The following GLIS1 variants were observed in gnomAD, a reference collection of about 807,000 sequenced individuals.
GLIS1 encodes GLIS family zinc finger 1, also known as zinc finger protein GLIS1.
GLIS1 carries 24 observed loss-of-function variants against 63.8 expected under a neutral mutation model. That is an observed-to-expected ratio of 0.38 (90% CI 0.27 to 0.53). The LOEUF (loss-of-function observed/expected upper bound fraction) is 0.53. Ranked by LOEUF, GLIS1 falls within the 20% of genes least tolerant of loss-of-function variation. The probability of loss-of-function intolerance (pLI) is 0.85; values close to 1 mark genes in which losing one functional copy is unlikely to be tolerated. For missense variants in GLIS1, 1,036 were observed against 1,074.1 expected, an observed-to-expected ratio of 0.96 and a Z score of 0.50; for synonymous variants, 450 against 482.5, an observed-to-expected ratio of 0.93 and a Z score of 0.88.
At position 53,524,792 on chromosome 1, in the gene GLIS1, C is replaced by T. The variant is rs1241426369; in HGVS notation, c.1578G>A (p.Gln526=). ...GCTGGCTTACCTTCTTACGCACCTG[C>T]TGCTCTTTGGCTGAATGGGCCTTGA... ...KHVKAHSAKE[Q]QVRKKLHAGP... The change falls in exon 6 of 11, where the codon CAG becomes CAA. Residue 526 remains glutamine (Q), a synonymous_variant. Coordinates refer to ENST00000628545, the MANE Select transcript of GLIS1 (RefSeq NM_001367484.1). 1.9e-6 allele frequency: 3 copies of T among 1,613,202 alleles called. No individual in the cohort carries two copies. Among genetic ancestry groups the T allele is most frequent in the Non-Finnish European group, 2.5e-6 (3 of 1,179,750 alleles).
intron 4 of GLIS1, among the ~76,000 whole-genome samples, chr1:53,533,263 C>T (rs1292007949): frequency 6.6e-6 from 1 of 152,180 alleles, no homozygotes; most frequent in Non-Finnish European, 1.5e-5. Flanking sequence ...ATGGCCTTCT[C>T]CCCATGCCTC....
At chr1:53,633,802 G>A (rs751697935) in intron 2 of GLIS1, among the ~76,000 whole-genome samples, 8 of 152,200 alleles carry the variant, frequency 5.3e-5, no homozygotes, top group South Asian at 2.1e-4. Flanking sequence ...AAAATGTCTC[G>A]GCGTGGGGGG....
intron 2 of GLIS1, among the ~76,000 whole-genome samples, chr1:53,680,426 G>A (rs906008377): frequency 6.6e-6 from 1 of 152,224 alleles, no homozygotes; most frequent in African/African-American, 2.4e-5. Flanking sequence ...GGTGGAAGGG[G>A]ACAGCCACAG....
chr1:53,652,782 G>A (rs956444104), intron 2 of GLIS1, among the ~76,000 whole-genome samples: 4 of 152,120 alleles, frequency 2.6e-5, no homozygotes, highest in Non-Finnish European at 2.9e-5. Flanking sequence ...CTGGACCCTG[G>A]GGCCAGTCCT....
At chr1:53,550,824 A>G (rs1468201754) in intron 4 of GLIS1, among the ~76,000 whole-genome samples, 1 of 151,820 alleles carries the variant, frequency 6.6e-6, no homozygotes, top group Non-Finnish European at 1.5e-5. Context: ...GACGCTCCCC[A>G]CTCCAAAATC....
rs533209455 is a variant in GLIS1, at chr1:53,511,666, C to T, written c.1884-1639G>A. On this transcript the variant is annotated intron_variant, in intron 8 of 10. Coordinates refer to ENST00000628545, the MANE Select transcript of GLIS1 (RefSeq NM_001367484.1). The surrounding 1 kb of genome is among the most constrained non-coding windows in gnomAD (Gnocchi z 4.2). ...CATTATCATCATCATTATTTTTAGG[C>T]CTGTCTTGTGGGGTGATCAAGTGGG... Among the ~76,000 whole-genome samples, 13 of 152,242 alleles carry T rather than the reference C, an allele frequency of 8.5e-5. No individual in the cohort carries two copies. The East Asian group carries it at 2.3e-3, about 27-fold the overall frequency.
chr1:53,597,210 A>C (rs1412687124), intron 3 of GLIS1, among the ~76,000 whole-genome samples: 1 of 130,968 alleles, frequency 7.6e-6, no homozygotes, highest in Admixed American at 7.6e-5. Flanking sequence ...AAAAAAAAAA[A>C]ACACTACAAA....
intron 2 of GLIS1, among the ~76,000 whole-genome samples, chr1:53,721,926 A>G (rs1646759700): frequency 6.6e-6 from 1 of 152,252 alleles, no homozygotes. Flanking sequence ...AAAGGCATTA[A>G]CATCCCTAAT....
At chr1:53,645,280 CCTCTCCAACA>C (rs1348722889) in intron 2 of GLIS1, among the ~76,000 whole-genome samples, 4 of 152,276 alleles carry the variant, frequency 2.6e-5, no homozygotes, top group Admixed American at 1.3e-4. Flanking sequence ...ACGAAATAGC[CCTCTCCAACA>C]CTTCCTGTCT....
At chr1:53,717,021 C>A in intron 2 of GLIS1, among the ~76,000 whole-genome samples, 1 of 152,150 alleles carries the variant, frequency 6.6e-6, no homozygotes, top group Non-Finnish European at 1.5e-5. Context: ...AGAGTCTAGA[C>A]CAAGTATCAG....
chr1:53,694,290 C>T (rs958930634), intron 2 of GLIS1, among the ~76,000 whole-genome samples: 2 of 152,178 alleles, frequency 1.3e-5, no homozygotes, highest in Non-Finnish European at 2.9e-5. Context: ...AAGACATCAG[C>T]AAAGCACACA....
At chr1:53,657,213 A>G (rs1645975692) in intron 2 of GLIS1, among the ~76,000 whole-genome samples, 1 of 152,186 alleles carries the variant, frequency 6.6e-6, no homozygotes, top group South Asian at 2.1e-4. Flanking sequence ...CTAGAGGCTC[A>G]GGTGTATGTA....
At position 53,639,990 on chromosome 1, in the gene GLIS1, A is replaced by G. The variant is rs1180324867; in HGVS notation, c.260-39712T>C. 6.6e-6 allele frequency among the ~76,000 whole-genome samples: 1 copy of G among 152,228 alleles called. No homozygotes were observed. Among genetic ancestry groups the G allele is most frequent in the Non-Finnish European group, 1.5e-5 (1 of 68,042 alleles). ...ACACTTAACAAACACGAGCATGGTG[A>G]GATTTAAATATATATGAGGTGCTTC... On this transcript the variant is annotated intron_variant, in intron 2 of 10. Coordinates refer to ENST00000628545, the MANE Select transcript of GLIS1 (RefSeq NM_001367484.1). This position sits in a 1 kb window ranked among gnomAD's most constrained non-coding sequence, Gnocchi z 4.6.
intron 2 of GLIS1, among the ~76,000 whole-genome samples, chr1:53,657,617 G>C (rs1645981427): frequency 6.6e-6 from 1 of 152,126 alleles, no homozygotes; most frequent in African/African-American, 2.4e-5. Flanking sequence ...AGGCTATGTG[G>C]AGGGGGAGAG....
At chr1:53,632,602 T>A (rs1351680048) in intron 2 of GLIS1, among the ~76,000 whole-genome samples, 2 of 143,658 alleles carry the variant, frequency 1.4e-5, no homozygotes, top group Admixed American at 6.9e-5. Flanking sequence ...CTGAGGGACA[T>A]GTGAATGAGT....
At chr1:53,711,182 T>TCTAC (rs1646642975) in intron 2 of GLIS1, among the ~76,000 whole-genome samples, 1 of 152,148 alleles carries the variant, frequency 6.6e-6, no homozygotes, top group African/African-American at 2.4e-5. Flanking sequence ...TGAACTGCCC[T>TCTAC]GTAAACCCCA....
intron 4 of GLIS1, among the ~76,000 whole-genome samples, chr1:53,586,812 C>T (rs1380338268): frequency 6.6e-6 from 1 of 152,158 alleles, no homozygotes; most frequent in Non-Finnish European, 1.5e-5. Context: ...AGACAGGGTC[C>T]GGGCAACCTC....
At chr1:53,668,838 C>T (rs1316012376) in intron 2 of GLIS1, among the ~76,000 whole-genome samples, 4 of 152,106 alleles carry the variant, frequency 2.6e-5, no homozygotes, top group Admixed American at 2.6e-4. Context: ...ACCTACGACA[C>T]GTCTCAGAAC....
Position 53,507,129 on chromosome 1 carries a change from GT to G in GLIS1, c.2231-354del, listed in dbSNP as rs1413476242. On this transcript the variant is annotated intron_variant, in intron 10 of 10. Coordinates refer to ENST00000628545, the MANE Select transcript of GLIS1 (RefSeq NM_001367484.1). ...GCTCAGCCCTTGCCCTCAGGGGCTG[GT>G]CCCCTCCTGGTAGAAGGACCAGCTC... 2.0e-5 allele frequency among the ~76,000 whole-genome samples: 3 copies of G among 152,130 alleles called. No homozygotes were observed. The East Asian group carries it at 5.8e-4, about 29-fold the overall frequency.
Sources: allele counts gnomAD v4.1 joint callset (sites outside exome capture counted in the v4.1 genomes callset), GRCh38; gene constraint gnomAD v4.1.1; non-coding constraint Gnocchi (gnomAD v3.1); transcripts MANE v1.5; gene names NCBI Gene and HGNC (gene_info 2026-07-23, HGNC 2026-07-21).